MIR2052HG: variants seen among roughly 807,000 people sequenced by gnomAD.
MIR2052HG encodes the protein MIR2052 host gene.
intron 1 of MIR2052HG, chr8:74,604,068 GA>G: frequency 1.1e-6 from 1 of 944,594 alleles, no homozygotes; most frequent in Non-Finnish European, 1.8e-6. Flanking sequence ...CAGCAAAAGT[GA>G]TAATTCTCTC....
At chr8:74,728,547 G>A (rs541985208) in intron 4 of MIR2052HG, among the ~76,000 whole-genome samples, 1 of 152,192 alleles carries the variant, frequency 6.6e-6, no homozygotes, top group East Asian at 1.9e-4. Flanking sequence ...AGTCTAGTGG[G>A]GAACATAGAC....
intron 2 of MIR2052HG, among the ~76,000 whole-genome samples, chr8:74,659,336 A>G (rs2128736839): frequency 6.6e-6 from 1 of 152,338 alleles, no homozygotes; most frequent in South Asian, 2.1e-4. Context: ...AACAAGTGAA[A>G]ATTTCTCATG....
At chr8:74,699,967 G>C (rs78648584) in intron 2 of MIR2052HG, among the ~76,000 whole-genome samples, 4,533 of 152,188 alleles carry the variant, frequency 0.03, 121 homozygotes, top group Non-Finnish European at 0.041. Context: ...GTTAGCTATG[G>C]TAACTAAAAT....
chr8:74,738,965 AGTTTCTTT>A (rs1317254837), intron 4 of MIR2052HG, among the ~76,000 whole-genome samples: 1 of 152,220 alleles, frequency 6.6e-6, no homozygotes, highest in Non-Finnish European at 1.5e-5. Flanking sequence ...CCTAGTTTAA[AGTTTCTTT>A]GTTTTTCTTT....
chr8:74,620,469 A>G (rs1380449484), intron 2 of MIR2052HG, among the ~76,000 whole-genome samples: 1 of 152,222 alleles, frequency 6.6e-6, no homozygotes, highest in Admixed American at 6.5e-5. Context: ...CTGTCTGGAC[A>G]TCCAGGCATT....
chr8:74,600,943 A>G (rs937208208), intron 1 of MIR2052HG, among the ~76,000 whole-genome samples: 6 of 152,214 alleles, frequency 3.9e-5, no homozygotes, highest in Admixed American at 2.0e-4. Flanking sequence ...CATAGGTCTT[A>G]CTGGCCCTAA....
chr8:74,621,084 G>T (rs933476176), intron 2 of MIR2052HG, among the ~76,000 whole-genome samples: 3 of 152,154 alleles, frequency 2.0e-5, no homozygotes, highest in African/African-American at 7.2e-5. Flanking sequence ...TTGCCAAAAA[G>T]TTCCTCATCT....
intron 2 of MIR2052HG, among the ~76,000 whole-genome samples, chr8:74,661,200 C>CTTTTT (rs552416471): frequency 7.8e-6 from 1 of 127,442 alleles, no homozygotes. Flanking sequence ...AGCTTAGGTC[C>CTTTTT]TTTTTTTTTT....
intron 2 of MIR2052HG, among the ~76,000 whole-genome samples, chr8:74,632,756 G>A (rs939693657): frequency 7.2e-5 from 11 of 152,104 alleles, no homozygotes; most frequent in Admixed American, 6.6e-5. Context: ...TAATTATCAT[G>A]GGAACTGGAA....
chr8:74,616,582 C>T (rs1326149331), intron 2 of MIR2052HG, among the ~76,000 whole-genome samples: 1 of 151,676 alleles, frequency 6.6e-6, no homozygotes, highest in Non-Finnish European at 1.5e-5. Flanking sequence ...TATTTTGCAT[C>T]CCTGTTTTTG....
At chr8:74,742,602 G>A (rs1308533530) in intron 4 of MIR2052HG, among the ~76,000 whole-genome samples, 1 of 151,976 alleles carries the variant, frequency 6.6e-6, no homozygotes, top group Non-Finnish European at 1.5e-5. Flanking sequence ...TCACTCATTA[G>A]TAGTCATTGC....
intron 2 of MIR2052HG, among the ~76,000 whole-genome samples, chr8:74,624,652 C>A (rs1808411050): frequency 6.6e-6 from 1 of 152,158 alleles, no homozygotes; most frequent in Admixed American, 6.6e-5. Flanking sequence ...TTTGATCAAC[C>A]TGCTGAAATT....
chr8:74,630,650 A>T (rs931327429), intron 2 of MIR2052HG, among the ~76,000 whole-genome samples: 6 of 152,168 alleles, frequency 3.9e-5, no homozygotes, highest in African/African-American at 1.4e-4. Context: ...AGTTCTCTGG[A>T]AACTGAAGGA....
intron 4 of MIR2052HG, among the ~76,000 whole-genome samples, chr8:74,740,820 T>C (rs1286206842): frequency 6.6e-6 from 1 of 152,190 alleles, no homozygotes; most frequent in Non-Finnish European, 1.5e-5. Flanking sequence ...TAGTTAAGTG[T>C]TGAGGTTTGA....
intron 2 of MIR2052HG, among the ~76,000 whole-genome samples, chr8:74,628,230 G>A (rs539527797): frequency 1.4e-4 from 21 of 152,304 alleles, no homozygotes; most frequent in South Asian, 1.2e-3. Context: ...AGGAAACGAA[G>A]CATCTGGAGA....
intron 2 of MIR2052HG, among the ~76,000 whole-genome samples, chr8:74,699,437 C>T (rs1390728585): frequency 6.8e-6 from 1 of 147,972 alleles, no homozygotes; most frequent in African/African-American, 2.6e-5. Context: ...TATATATATA[C>T]ACCATGGAAT....
intron 2 of MIR2052HG, among the ~76,000 whole-genome samples, chr8:74,687,978 T>C (rs1346437881): frequency 6.6e-6 from 1 of 152,190 alleles, no homozygotes; most frequent in Non-Finnish European, 1.5e-5. Flanking sequence ...GGTCTTTGTA[T>C]ATCAATTGTG....
At chr8:74,702,441 A>C (rs1336598189) in exon 3 of MIR2052HG, 2 of 454,504 alleles carry the variant, frequency 4.4e-6, no homozygotes, top group Non-Finnish European at 8.9e-6. Context: ...GATGATGAAG[A>C]AAAGTTCTTT....
At chr8:74,713,894 G>A (rs1266146789) in intron 4 of MIR2052HG, among the ~76,000 whole-genome samples, 1 of 152,058 alleles carries the variant, frequency 6.6e-6, no homozygotes. Context: ...TCAATCTTAA[G>A]TTGGATTCAG....
Sources: gnomAD v4.1 joint callset for allele counts (sites outside exome capture counted in the v4.1 genomes callset) on GRCh38, gnomAD v4.1.1 for gene constraint, MANE v1.5 for transcripts, NCBI Gene and HGNC (gene_info 2026-07-23, HGNC 2026-07-21) for gene names.